SLC71A1: variants seen among roughly 807,000 people sequenced by gnomAD.
SLC71A1 encodes the protein hippocampus abundant gene transcript 1.
the SLC71A1 span, chr1:100,043,153 C>T: frequency 1.9e-5 from 19 of 981,746 alleles, no homozygotes; most frequent in Non-Finnish European, 2.3e-5. Flanking sequence ...CAGAAATTCT[C>T]CTACAGTTGA....
chr1:100,038,426 C>A, the SLC71A1 span: 2 of 897,482 alleles, frequency 2.2e-6, no homozygotes, highest in Non-Finnish European at 3.6e-6. Context: ...TCCCTTCCCC[C>A]ACCCTGTCCG....
the SLC71A1 span, among the ~76,000 whole-genome samples, chr1:100,056,612 A>G: frequency 1.3e-5 from 2 of 152,180 alleles, no homozygotes; most frequent in Non-Finnish European, 2.9e-5. Flanking sequence ...CTCCGTCTCA[A>G]ACAAACAAAA....
At chr1:100,077,121 TTTTTA>T in the SLC71A1 span, 1 of 969,480 alleles carries the variant, frequency 1.0e-6, no homozygotes, top group Non-Finnish European at 1.6e-6. Context: ...AAGAAGTCAC[TTTTTA>T]AAACTTTATT....
chr1:100,046,713 A>G, the SLC71A1 span, among the ~76,000 whole-genome samples: 1 of 152,336 alleles, frequency 6.6e-6, no homozygotes. Flanking sequence ...CTTCCAATTT[A>G]TGAACATGAA....
the SLC71A1 span, among the ~76,000 whole-genome samples, chr1:100,044,919 T>C: frequency 6.6e-6 from 1 of 152,236 alleles, no homozygotes; most frequent in East Asian, 1.9e-4. Context: ...TTTTGTATAA[T>C]TTAAAGTCGG....
chr1:100,058,836 T>C, the SLC71A1 span: 12 of 571,228 alleles, frequency 2.1e-5, no homozygotes, highest in Non-Finnish European at 3.8e-5. Context: ...TATATGTTTG[T>C]TTACTGATTA....
the SLC71A1 span, among the ~76,000 whole-genome samples, chr1:100,038,490 C>T: frequency 1.2e-3 from 189 of 152,308 alleles, 1 homozygote; most frequent in African/African-American, 4.4e-3. Context: ...CGGGAATCGT[C>T]CTCCGCTGCT....
the SLC71A1 span, among the ~76,000 whole-genome samples, chr1:100,069,086 G>A: frequency 6.6e-5 from 10 of 152,198 alleles, no homozygotes; most frequent in African/African-American, 2.2e-4. Context: ...TTCTAATGGG[G>A]GTTATTTGGT....
At chr1:100,044,390 ATTGT>A in the SLC71A1 span, among the ~76,000 whole-genome samples, 541 of 148,348 alleles carry the variant, frequency 3.6e-3, 4 homozygotes, top group African/African-American at 0.013. Context: ...TTTTGATGGG[ATTGT>A]TTGTTTTTTT....
chr1:100,059,144 GTTTTTTTTTTTTTTT>G, the SLC71A1 span, among the ~76,000 whole-genome samples: 4 of 75,416 alleles, frequency 5.3e-5, no homozygotes, highest in Non-Finnish European at 1.0e-4. Flanking sequence ...TCTTTTTCGT[GTTTTTTTTTTTTTTT>G]TTTTTTTTTT....
At chr1:100,056,879 T>G in the SLC71A1 span, among the ~76,000 whole-genome samples, 14 of 152,078 alleles carry the variant, frequency 9.2e-5, no homozygotes, top group Non-Finnish European at 1.8e-4. Flanking sequence ...TTAACTGGGG[T>G]GAGATGATAT....
chr1:100,072,235 C>T, the SLC71A1 span, among the ~76,000 whole-genome samples: 1 of 152,152 alleles, frequency 6.6e-6, no homozygotes, highest in Non-Finnish European at 1.5e-5. Context: ...TGTATTTCTC[C>T]CTCCTCTCCA....
At chr1:100,067,275 A>G in the SLC71A1 span, among the ~76,000 whole-genome samples, 1 of 151,906 alleles carries the variant, frequency 6.6e-6, no homozygotes, top group Non-Finnish European at 1.5e-5. Flanking sequence ...ATGCGGTCTC[A>G]CTCTGTCACC....
At chr1:100,078,374 T>C in the SLC71A1 span, 59 of 923,654 alleles carry the variant, frequency 6.4e-5, no homozygotes, top group Non-Finnish European at 9.8e-5. Context: ...ACAGTAAGAA[T>C]TACTTAATTA....
the SLC71A1 span, among the ~76,000 whole-genome samples, chr1:100,065,684 CTTTTCCT>C: frequency 6.8e-6 from 1 of 147,862 alleles, no homozygotes; most frequent in Non-Finnish European, 1.5e-5. Flanking sequence ...CCCCTTTCCC[CTTTTCCT>C]TAAGCCTTTT....
the SLC71A1 span, chr1:100,060,026 T>C: frequency 1.9e-6 from 3 of 1,573,858 alleles, no homozygotes; most frequent in East Asian, 2.3e-5. Context: ...ATTTAGATTA[T>C]AGCAACTAAA....
the SLC71A1 span, chr1:100,062,080 A>T: frequency 5.0e-6 from 3 of 600,328 alleles, no homozygotes; most frequent in African/African-American, 5.7e-5. Flanking sequence ...TAATAAAATC[A>T]TTCATTAGAC....
At chr1:100,049,993 C>G in the SLC71A1 span, 1 of 1,571,372 alleles carries the variant, frequency 6.4e-7, no homozygotes, top group African/African-American at 1.4e-5. Flanking sequence ...ATTGACAGCA[C>G]CCACCTTGGT....
At chr1:100,063,305 A>AAAAC in the SLC71A1 span, among the ~76,000 whole-genome samples, 1 of 146,754 alleles carries the variant, frequency 6.8e-6, no homozygotes, top group Non-Finnish European at 1.5e-5. Flanking sequence ...CAAAACAAAA[A>AAAAC]ACACTGAAAT....
Sources: gnomAD v4.1 joint callset for allele counts (sites outside exome capture counted in the v4.1 genomes callset) on GRCh38, gnomAD v4.1.1 for gene constraint, MANE v1.5 for transcripts, NCBI Gene and HGNC (gene_info 2026-07-23, HGNC 2026-07-21) for gene names.